Variants in PPM1F observed in about 807,000 individuals in gnomAD.
The protein encoded by PPM1F is protein phosphatase, Mg2+/Mn2+ dependent 1F, also known as protein phosphatase 1F.
PPM1F carries 17 observed loss-of-function variants against 35.5 expected under a neutral mutation model. The ratio of observed to expected loss-of-function variants is 0.48; its 90% CI spans 0.33 to 0.72. The LOEUF is 0.72. Among genes scored for constraint, PPM1F ranks in the 30% least tolerant of loss-of-function variants. The pLI, the probability that PPM1F is intolerant of heterozygous loss-of-function variation, is 0.02. For synonymous variants in PPM1F, 241 were observed against 255.5 expected, an observed-to-expected ratio of 0.94 and a Z score of 0.54; for missense variants, 521 against 613.0, an observed-to-expected ratio of 0.85 and a Z score of 1.59.
chr22:21,939,302 C>T lies in PPM1F; in HGVS notation c.355+230G>A. 2 of 580,340 alleles carry T rather than the reference C, an allele frequency of 3.4e-6. No individual in the cohort carries two copies. Among genetic ancestry groups the T allele is most frequent in the Non-Finnish European group, 6.1e-6 (2 of 329,112 alleles). 35.9% of individuals were successfully genotyped at this position (580,340 alleles called of 1,614,324 possible). ...GACACAGGAGGGTGTCTGCACCACC[C>T]ACCCCTGCCTCGTGGGCTGACTGGG... On this transcript the variant is annotated intron_variant, in intron 3 of 7. Coordinates refer to ENST00000263212, the MANE Select transcript of PPM1F (RefSeq NM_014634.4). The surrounding 1 kb of genome is among the most constrained non-coding windows in gnomAD (Gnocchi z 5.1).
At chr22:21,927,467 A>G (rs1475817921) in intron 6 of PPM1F, among the ~76,000 whole-genome samples, 1 of 152,210 alleles carries the variant, frequency 6.6e-6, no homozygotes, top group Non-Finnish European at 1.5e-5. Context: ...CACACACCCC[A>G]GCCCACTCCA....
chr22:21,921,476 C>A lies in PPM1F; in HGVS notation c.*1616G>T. On this transcript the variant is annotated 3_prime_UTR_variant, in exon 8 of 8. Transcript: ENST00000263212. ...CTCTTCCCTCTACCCGACACCCTCC[C>A]CCAGCCTTGCCACTTTCAACTTTGC... 6.5e-6 allele frequency: 1 copy of A among 152,788 alleles called. No individual in the cohort carries two copies. 9.5% of individuals were successfully genotyped at this position (152,788 alleles called of 1,614,324 possible). A position where few individuals can be genotyped will look rare whatever the true frequency, so the allele number is the denominator to read the frequency against.
rs1362028759 is a variant in PPM1F, at chr22:21,946,007, A to C, written c.42T>G (p.Ser14Arg). Reference protein sequence around the residue: ...GAPQKSSPMASGAEETPGFLD... With the variant: ...GAPQKSSPMARGAEETPGFLD... ...GGAAGCCTGGGGTCTCCTCAGCTCC[A>C]CTGGCCATTGGGCTGCTCTTCTGTG... Residue 14 changes from serine (S) to arginine (R), a missense_variant, in exon 2 of 8, where the codon AGT (serine) becomes AGG (arginine). By Grantham distance (110) the Ser-to-Arg change is moderately radical. Transcript: ENST00000263212. The C allele has an allele frequency of 6.3e-7, 1 of 1,595,550 alleles. No individual in the cohort carries two copies.
chr22:21,948,409 A>G (rs1569133185), intron 1 of PPM1F: 1 of 152,170 alleles, frequency 6.6e-6, no homozygotes, highest in Non-Finnish European at 1.5e-5. Context: ...CAAACGACAA[A>G]GGGAAGACTG....
chr22:21,952,845 T>C lies in PPM1F; in HGVS notation c.-114A>G, dbSNP rs1388231083. ...CCTCGCGGCTCCGTGTCCCGCAAGCTGCTGCCGGCCGGCCCCGCCCACTTC... is the reference window on the plus strand; with the variant it reads ...CCTCGCGGCTCCGTGTCCCGCAAGCCGCTGCCGGCCGGCCCCGCCCACTTC... On this transcript the variant is annotated 5_prime_UTR_variant, in exon 1 of 8. Transcript: ENST00000263212. 1.3e-5 allele frequency: 2 copies of C among 151,738 alleles called. No individual in the cohort carries two copies. Among genetic ancestry groups the C allele is most frequent in the African/African-American group, 2.4e-5 (1 of 41,270 alleles). The allele number at this position is 151,738 out of a possible 1,614,324, so 9.4% of individuals were successfully genotyped here.
intron 1 of PPM1F, chr22:21,952,366 T>G (rs916931103): frequency 6.6e-6 from 1 of 150,802 alleles, no homozygotes; most frequent in Non-Finnish European, 1.5e-5. Context: ...TGGGGGGATA[T>G]GGGGCAACGT....
At chr22:21,934,490 AAC>A in intron 3 of PPM1F, 1 of 470,986 alleles carries the variant, frequency 2.1e-6, no homozygotes, top group Admixed American at 4.1e-5. Context: ...AATCATCAGA[AAC>A]ACAAAAATAA....
chr22:21,946,147 A>G, intron 1 of PPM1F, 39 bp from the exon 2 acceptor site: 1 of 1,048,468 alleles, frequency 9.5e-7, no homozygotes. Flanking sequence ...TCAGGGGGCC[A>G]TGGCACCAGC....
rs549095593 is a variant in PPM1F, at chr22:21,929,196, G to A, written c.891+1952C>T. Reference sequence around the variant, plus strand: ...GGATCTGTGATTAATTCTCTAGGGTGGAAGGCTGTGATCAGGATCACAGCA... The same window carrying A: ...GGATCTGTGATTAATTCTCTAGGGTAGAAGGCTGTGATCAGGATCACAGCA... On this transcript the variant is annotated intron_variant, in intron 6 of 7. Transcript: ENST00000263212. Among the ~76,000 whole-genome samples the A allele has an allele frequency of 7.9e-5, 12 of 152,250 alleles. 1 individual carries two copies. The East Asian group carries it at 2.3e-3, about 30-fold the overall frequency.
chr22:21,926,775 G>A (rs938241044), intron 6 of PPM1F, among the ~76,000 whole-genome samples: 4 of 152,148 alleles, frequency 2.6e-5, no homozygotes, highest in African/African-American at 9.7e-5. Flanking sequence ...TAGTCCCCAG[G>A]CACAGCACCA....
In PPM1F at chr22:21,920,639, G is replaced by C. The variant is rs1225598229; in HGVS notation, c.*2453C>G. The C allele has an allele frequency of 6.6e-6, 1 of 152,404 alleles. No homozygotes were observed. Among genetic ancestry groups the C allele is most frequent in the Non-Finnish European group, 1.5e-5 (1 of 68,164 alleles). The allele number at this position is 152,404 out of a possible 1,614,324, so 9.4% of individuals were successfully genotyped here. Reference sequence around the variant, plus strand: ...GGCATGGCCATCCTCTGGGGTCCTGGCTCAGGGGTGGGGAGCGGCAGTGCT... The same window carrying C: ...GGCATGGCCATCCTCTGGGGTCCTGCCTCAGGGGTGGGGAGCGGCAGTGCT... On this transcript the variant is annotated 3_prime_UTR_variant, in exon 8 of 8. Coordinates refer to ENST00000263212, the MANE Select transcript of PPM1F (RefSeq NM_014634.4).
chr22:21,933,609 C>G (rs1390841025), intron 4 of PPM1F, 30 bp from the exon 5 acceptor site: 2 of 1,588,300 alleles, frequency 1.3e-6, no homozygotes, highest in African/African-American at 2.7e-5. Flanking sequence ...AGTCACAGAC[C>G]CGCGGGACCC....
intron 4 of PPM1F, 23 bp from the exon 5 acceptor site, chr22:21,933,602 C>A: frequency 1.3e-6 from 2 of 1,594,094 alleles, no homozygotes; most frequent in Non-Finnish European, 1.7e-6. Context: ...TGGTGGGAGT[C>A]ACAGACCCGC....
In PPM1F at chr22:21,933,565, G is replaced by A. The variant is rs867583095; in HGVS notation, c.573C>T (p.Arg191=). 1.4e-5 allele frequency: 23 copies of A among 1,611,964 alleles called. No individual in the cohort carries two copies. The highest frequency in any genetic ancestry group is 2.2e-5 in the East Asian group (1 of 44,802). ...GACCATCAAACACAGCAAAGTAGGC[G>A]CGGTTCACAGGGTCCTGGTGGGGAT... ...QLFGLSDPVN[R]AYFAVFDGHG... Residue 191 remains arginine (R), a synonymous_variant, in exon 5 of 8, where the codon CGC becomes CGT. Transcript: ENST00000263212.
intron 6 of PPM1F, among the ~76,000 whole-genome samples, chr22:21,927,947 T>G (rs1450319144): frequency 2.7e-3 from 140 of 51,332 alleles, no homozygotes; most frequent in Middle Eastern, 0.013. Flanking sequence ...GTTTTGTTTT[T>G]TTTTTTTTTT....
In PPM1F at chr22:21,939,797, TC is replaced by T. The variant is rs2070705536; in HGVS notation, c.207-118del. Reference sequence around the variant, plus strand: ...GTCACGGCCAGCAGGGCGGCCCCTGTCCTCAGGGAGCTGGGACAGGAAGGTC... The same window carrying T: ...GTCACGGCCAGCAGGGCGGCCCCTGTCTCAGGGAGCTGGGACAGGAAGGTC... On this transcript the variant is annotated intron_variant, in intron 2 of 7. Transcript: ENST00000263212. This position sits in a 1 kb window ranked among gnomAD's most constrained non-coding sequence, Gnocchi z 5.1. 2.5e-6 allele frequency: 3 copies of T among 1,222,836 alleles called. No homozygotes were observed. The allele number at this position is 1,222,836 out of a possible 1,614,324, so 75.7% of individuals were successfully genotyped here. A position where few individuals can be genotyped will look rare whatever the true frequency, so the allele number is the denominator to read the frequency against.
At chr22:21,927,407 G>A (rs2145792712) in intron 6 of PPM1F, among the ~76,000 whole-genome samples, 1 of 152,350 alleles carries the variant, frequency 6.6e-6, no homozygotes, top group African/African-American at 2.4e-5. Flanking sequence ...GGGGCTGTGA[G>A]CGTGGGAGGC....
At chr22:21,938,503 G>T (rs545112432) in intron 3 of PPM1F, 2 of 1,095,912 alleles carry the variant, frequency 1.8e-6, no homozygotes, top group East Asian at 1.9e-4. Flanking sequence ...TCGGGTATTC[G>T]CTTTCTCTCT....
At chr22:21,927,937 G>GTTTTT (rs1392008034) in intron 6 of PPM1F, among the ~76,000 whole-genome samples, 14 of 68,102 alleles carry the variant, frequency 2.1e-4, no homozygotes, top group South Asian at 5.8e-4. Flanking sequence ...TCTGTTTTTT[G>GTTTTT]TTTTGTTTTT....
Sources: gnomAD v4.1 joint callset for allele counts (sites outside exome capture counted in the v4.1 genomes callset) on GRCh38, gnomAD v4.1.1 for gene constraint, Gnocchi (gnomAD v3.1) non-coding constraint, MANE v1.5 for transcripts, NCBI Gene and HGNC (gene_info 2026-07-23, HGNC 2026-07-21) for gene names.